GNAL: variants seen among roughly 807,000 people sequenced by gnomAD.
GNAL encodes the protein G protein subunit alpha L, also known as guanine nucleotide-binding protein G(olf) subunit alpha.
Under a neutral mutation model 55.1 loss-of-function variants are expected in GNAL, and 18 were observed. That is an observed-to-expected ratio of 0.33 (90% confidence interval 0.23 to 0.48). The LOEUF is 0.48. Ranked by LOEUF, GNAL falls within the 20% of genes least tolerant of loss-of-function variation. The pLI, the probability that GNAL is intolerant of heterozygous loss-of-function variation, is 0.99. For missense variants in GNAL, 412 were observed against 614.1 expected, an observed-to-expected ratio of 0.67 and a Z score of 3.48; for synonymous variants, 253 against 237.0, an observed-to-expected ratio of 1.07 and a Z score of -0.62.
At chr18:11,788,914 A>AAAAAAAAAAATAT (rs60071996) in intron 4 of GNAL, among the ~76,000 whole-genome samples, 28 of 56,292 alleles carry the variant, frequency 5.0e-4, no homozygotes, top group African/African-American at 1.8e-3. Flanking sequence ...AAAAAAAAAA[A>AAAAAAAAAAATAT]ATATATATAT....
At chr18:11,717,507 C>G (rs943528408) in intron 1 of GNAL, among the ~76,000 whole-genome samples, 22 of 152,340 alleles carry the variant, frequency 1.4e-4, no homozygotes, top group African/African-American at 5.0e-4. Context: ...TTCATTGCAG[C>G]ACTGTTCAAA....
chr18:11,802,469 A>G (rs1048118646), intron 4 of GNAL, among the ~76,000 whole-genome samples: 4 of 152,152 alleles, frequency 2.6e-5, no homozygotes, highest in African/African-American at 9.7e-5. Flanking sequence ...ACTCATCACC[A>G]TACTCTTGAG....
chr18:11,876,502 C>T, intron 10 of GNAL, 119 bp from the exon 11 acceptor site: 1 of 715,938 alleles, frequency 1.4e-6, no homozygotes, highest in Non-Finnish European at 2.5e-6. Flanking sequence ...CCTTGCTGTA[C>T]ATGTATTTTA....
In GNAL at chr18:11,883,910, TG is replaced by T. The variant is rs2036808742; in HGVS notation, c.*2776del. On this transcript the variant is annotated 3_prime_UTR_variant, in exon 12 of 12. Transcript: ENST00000334049. ...TTCACCATGTTGGCCAGGCTGGTCTTGAACTCCTGACCTCAAGTGATCCACC... is the reference window on the plus strand; with the variant it reads ...TTCACCATGTTGGCCAGGCTGGTCTTAACTCCTGACCTCAAGTGATCCACC... 6.6e-6 allele frequency: 1 copy of T among 152,328 alleles called. No homozygotes were observed. Among genetic ancestry groups the T allele is most frequent in the African/African-American group, 2.4e-5 (1 of 41,422 alleles). 9.4% of individuals were successfully genotyped at this position (152,328 alleles called of 1,614,324 possible).
At chr18:11,850,980 G>GA (rs1487908666) in intron 5 of GNAL, among the ~76,000 whole-genome samples, 2 of 152,210 alleles carry the variant, frequency 1.3e-5, no homozygotes, top group Non-Finnish European at 2.9e-5. Flanking sequence ...TGAGAAAGTG[G>GA]AAATTACCCA....
intron 4 of GNAL, among the ~76,000 whole-genome samples, chr18:11,789,026 C>T (rs1047332678): frequency 6.7e-6 from 1 of 148,540 alleles, no homozygotes; most frequent in Non-Finnish European, 1.5e-5. Context: ...GGACTTGATA[C>T]CACAAGTTCC....
chr18:11,755,250 G>A (rs1369916365), intron 4 of GNAL, among the ~76,000 whole-genome samples: 1 of 152,096 alleles, frequency 6.6e-6, no homozygotes, highest in Non-Finnish European at 1.5e-5. Flanking sequence ...GTATTGGGAT[G>A]GCTAATAAGA....
intron 1 of GNAL, among the ~76,000 whole-genome samples, chr18:11,749,483 T>C (rs1024715322): frequency 2.6e-5 from 4 of 152,254 alleles, no homozygotes; most frequent in African/African-American, 9.6e-5. Context: ...GAGCTGGAGT[T>C]ATCTTTCGCT....
intron 4 of GNAL, among the ~76,000 whole-genome samples, chr18:11,784,422 T>C (rs1255429041): frequency 6.6e-6 from 1 of 152,182 alleles, no homozygotes; most frequent in African/African-American, 2.4e-5. Context: ...TGGTGAGGCC[T>C]TACCTTGCCA....
At chr18:11,691,882 G>A (rs1313702823) in intron 1 of GNAL, among the ~76,000 whole-genome samples, 1 of 152,166 alleles carries the variant, frequency 6.6e-6, no homozygotes, top group Admixed American at 6.5e-5. Flanking sequence ...AGGAGGGTGG[G>A]TGCAGAATCC....
chr18:11,792,968 G>A (rs948417933), intron 4 of GNAL, among the ~76,000 whole-genome samples: 1 of 152,166 alleles, frequency 6.6e-6, no homozygotes, highest in African/African-American at 2.4e-5. Context: ...AAATAATCTA[G>A]ATTGAACTAA....
chr18:11,884,903 C>T lies in GNAL; in HGVS notation c.*3768C>T. 2.3e-6 allele frequency: 3 copies of T among 1,302,506 alleles called. No homozygotes were observed. The highest frequency in any genetic ancestry group is 3.0e-6 in the Non-Finnish European group (3 of 1,013,534). The allele number at this position is 1,302,506 out of a possible 1,614,324, so 80.7% of individuals were successfully genotyped here. On this transcript the variant is annotated 3_prime_UTR_variant, in exon 12 of 12. Transcript: ENST00000334049. ...CCTGTCAAAACTGGCCCCTGGCTCA[C>T]TGGGTTCCCATCAAATATAGTGGGG...
intron 5 of GNAL, among the ~76,000 whole-genome samples, chr18:11,826,628 C>T (rs190558155): frequency 1.3e-3 from 202 of 152,170 alleles, no homozygotes; most frequent in Non-Finnish European, 2.2e-3. Context: ...CAGGTGAGTG[C>T]TGGAAACTGA....
chr18:11,779,936 CAT>C (rs1271513748), intron 4 of GNAL, among the ~76,000 whole-genome samples: 2 of 152,186 alleles, frequency 1.3e-5, no homozygotes, highest in Non-Finnish European at 2.9e-5. Flanking sequence ...TTTTTCCACT[CAT>C]ATGGAGAAGG....
chr18:11,880,308 C>A (rs2143940402), intron 11 of GNAL, among the ~76,000 whole-genome samples: 1 of 150,546 alleles, frequency 6.6e-6, no homozygotes, highest in South Asian at 2.2e-4. Context: ...GTGGCTCATG[C>A]CTATAATCCC....
At chr18:11,766,449 G>A (rs2033408652) in intron 4 of GNAL, among the ~76,000 whole-genome samples, 1 of 152,170 alleles carries the variant, frequency 6.6e-6, no homozygotes, top group East Asian at 1.9e-4. Flanking sequence ...AAGGAGCAGG[G>A]AGGGAAGAGG....
chr18:11,698,791 G>A (rs1292244223), intron 1 of GNAL, among the ~76,000 whole-genome samples: 2 of 152,152 alleles, frequency 1.3e-5, no homozygotes, highest in Non-Finnish European at 2.9e-5. Flanking sequence ...CCCTTGCTGT[G>A]CATCCGCTTT....
At chr18:11,773,919 C>T (rs148945702) in intron 4 of GNAL, among the ~76,000 whole-genome samples, 26 of 152,320 alleles carry the variant, frequency 1.7e-4, no homozygotes, top group Non-Finnish European at 2.4e-4. Flanking sequence ...CTCACCTCTG[C>T]CTCTTCCTGT....
In GNAL at chr18:11,884,748, G is replaced by C; in HGVS notation, c.*3613G>C. ...CCCCCTCAGGTGAGGCAGGGAACGG[G>C]CCCTCCTCACCTGAGACCAAGGGGG... On this transcript the variant is annotated 3_prime_UTR_variant, in exon 12 of 12. Coordinates refer to ENST00000334049, the MANE Select transcript of GNAL (RefSeq NM_182978.4). The C allele has an allele frequency of 7.6e-7, 1 of 1,317,856 alleles. No homozygotes were observed. The highest frequency in any genetic ancestry group is 1.0e-6 in the Non-Finnish European group (1 of 970,026). 81.6% of individuals were successfully genotyped at this position (1,317,856 alleles called of 1,614,324 possible).
Sources: gnomAD v4.1 joint callset for allele counts (sites outside exome capture counted in the v4.1 genomes callset) on GRCh38, gnomAD v4.1.1 for gene constraint, MANE v1.5 for transcripts, NCBI Gene and HGNC (gene_info 2026-07-23, HGNC 2026-07-21) for gene names.